Variants in NAA16 observed in about 807,000 individuals in gnomAD.
NAA16 encodes the protein NARG1-like protein.
NAA16 carries 97 observed loss-of-function variants against 110.3 expected under a neutral mutation model. The ratio of observed to expected loss-of-function variants is 0.88; its 90% CI spans 0.75 to 1.04. The LOEUF (loss-of-function observed/expected upper bound fraction) is 1.04. NAA16 is among the 50% of genes least tolerant of loss of function. The probability of loss-of-function intolerance (pLI) is 0.00; values close to 1 mark genes in which losing one functional copy is unlikely to be tolerated. For synonymous variants in NAA16, 372 were observed against 330.6 expected, an observed-to-expected ratio of 1.13 and a Z score of -1.36; for missense variants, 1,017 against 1,005.1, an observed-to-expected ratio of 1.01 and a Z score of -0.16.
chr13:41,331,959 C>G (rs1311269562), intron 8 of NAA16, among the ~76,000 whole-genome samples: 1 of 152,038 alleles, frequency 6.6e-6, no homozygotes, highest in Non-Finnish European at 1.5e-5. Flanking sequence ...CTTAATGTGA[C>G]TTTTTAAAAA....
In NAA16 at chr13:41,352,933, G is replaced by A. The variant is rs1347776738; in HGVS notation, c.1015-2211G>A. 2.6e-5 allele frequency among the ~76,000 whole-genome samples: 4 copies of A among 151,826 alleles called. No homozygotes were observed. In the East Asian group the frequency reaches 5.8e-4, roughly 22 times the overall value. Reference sequence around the variant, plus strand: ...TTAAAACTGACTTCTTTAAAAATAGGTTTCACCCCTTCATCTCTACTAAAA... The same window carrying A: ...TTAAAACTGACTTCTTTAAAAATAGATTTCACCCCTTCATCTCTACTAAAA... On this transcript the variant is annotated intron_variant, in intron 9 of 19. Coordinates refer to ENST00000379406, the MANE Select transcript of NAA16 (RefSeq NM_024561.5).
intron 9 of NAA16, among the ~76,000 whole-genome samples, chr13:41,341,544 C>T (rs1450147265): frequency 1.3e-5 from 2 of 151,554 alleles, no homozygotes; most frequent in South Asian, 2.1e-4. Flanking sequence ...AACAGGACTC[C>T]GTCTCTACAA....
rs770067308 is a variant in NAA16, at chr13:41,369,109, A to G, written c.1773A>G (p.Glu591=). ...TTATAGAAAACTTGTCAGCCAAAGA[A>G]TTGAAGAAAATGCTTAGCAAGCAGA... is the stretch of plus-strand genomic sequence containing the variant. ...EINSENLSAK[E]LKKMLSKQRR... The change falls in exon 15 of 20, where the codon GAA becomes GAG. Residue 591 remains glutamate, a synonymous_variant. Transcript: ENST00000379406. 2 of 1,566,148 alleles carry G rather than the reference A, an allele frequency of 1.3e-6. No homozygotes were observed. The highest frequency in any genetic ancestry group is 2.4e-5 in the South Asian group (2 of 81,862).
At chr13:41,333,502 G>C (rs9532791) in intron 8 of NAA16, among the ~76,000 whole-genome samples, 144,281 of 152,228 alleles carry the variant, frequency 0.95, 68,444 homozygotes, top group South Asian at 0.99. Context: ...TTGGACATTT[G>C]AAATAAATGG....
intron 9 of NAA16, among the ~76,000 whole-genome samples, chr13:41,343,563 G>A (rs990947354): frequency 2.6e-5 from 4 of 151,772 alleles, no homozygotes; most frequent in African/African-American, 4.8e-5. Context: ...TTGGAGTCTC[G>A]CTCTGTCACC....
chr13:41,370,346 AG>A (rs1183844889), intron 15 of NAA16, among the ~76,000 whole-genome samples: 1 of 152,196 alleles, frequency 6.6e-6, no homozygotes, highest in African/African-American at 2.4e-5. Context: ...GTAGAAAAAA[AG>A]TGCTCTATCA....
intron 9 of NAA16, among the ~76,000 whole-genome samples, chr13:41,338,413 A>G (rs1357700814): frequency 6.6e-6 from 1 of 152,186 alleles, no homozygotes; most frequent in African/African-American, 2.4e-5. Context: ...GGTATTTTAT[A>G]TAAAGCATGA....
intron 9 of NAA16, among the ~76,000 whole-genome samples, chr13:41,340,292 T>C (rs2042500869): frequency 6.6e-6 from 1 of 152,164 alleles, no homozygotes; most frequent in East Asian, 1.9e-4. Context: ...CTTGGATTCA[T>C]TGATTTTTTT....
intron 14 of NAA16, 86 bp from the exon 15 acceptor site, chr13:41,369,004 C>T: frequency 8.6e-7 from 1 of 1,167,508 alleles, no homozygotes; most frequent in Non-Finnish European, 1.2e-6. Flanking sequence ...TACCAAGGGA[C>T]AACCATACTA....
intron 5 of NAA16, among the ~76,000 whole-genome samples, chr13:41,323,870 T>G (rs1221602726): frequency 3.9e-5 from 6 of 152,302 alleles, no homozygotes; most frequent in Non-Finnish European, 7.4e-5. Context: ...CACTTAGAGT[T>G]AATCCACCAA....
At chr13:41,334,810 T>C (rs1169682515) in intron 8 of NAA16, among the ~76,000 whole-genome samples, 2 of 152,232 alleles carry the variant, frequency 1.3e-5, no homozygotes, top group African/African-American at 4.8e-5. Flanking sequence ...TTTACTTTCC[T>C]GAAGACATCC....
chr13:41,374,891 C>T (rs370986354), intron 19 of NAA16, 52 bp downstream of exon 19: 320 of 1,080,064 alleles, frequency 3.0e-4, no homozygotes, highest in Non-Finnish European at 1.8e-4. Context: ...TCTAACAAAA[C>T]GTGTCTTTAC....
intron 9 of NAA16, among the ~76,000 whole-genome samples, chr13:41,340,762 C>T (rs1342469302): frequency 1.4e-5 from 2 of 144,436 alleles, no homozygotes; most frequent in East Asian, 2.2e-4. Context: ...CTGCAAGCTC[C>T]GCCTCCCGGG....
At chr13:41,363,852 T>C (rs1193131835) in intron 13 of NAA16, among the ~76,000 whole-genome samples, 3 of 152,122 alleles carry the variant, frequency 2.0e-5, no homozygotes, top group Non-Finnish European at 4.4e-5. Context: ...AAGAACCTAC[T>C]CTTATACCAG....
chr13:41,318,559 G>C (rs1378949628), intron 2 of NAA16, among the ~76,000 whole-genome samples: 2 of 152,150 alleles, frequency 1.3e-5, no homozygotes, highest in Non-Finnish European at 1.5e-5. Context: ...GTCTTGTGAA[G>C]GGCAGAAACC....
intron 13 of NAA16, among the ~76,000 whole-genome samples, chr13:41,363,614 C>T (rs910936023): frequency 6.6e-6 from 1 of 151,906 alleles, no homozygotes; most frequent in Non-Finnish European, 1.5e-5. Flanking sequence ...GGCTGAGTTG[C>T]ATGGAAAAAA....
intron 9 of NAA16, among the ~76,000 whole-genome samples, chr13:41,349,647 G>C (rs1339067392): frequency 1.3e-5 from 2 of 152,068 alleles, no homozygotes; most frequent in Non-Finnish European, 2.9e-5. Flanking sequence ...TTCAACTAAA[G>C]GTAACAGTCT....
intron 14 of NAA16, 71 bp downstream of exon 14, chr13:41,367,723 C>A: frequency 2.1e-6 from 2 of 968,534 alleles, no homozygotes; most frequent in South Asian, 1.9e-5. Flanking sequence ...GTAAACAATA[C>A]CTAGAAAAAT....
chr13:41,363,477 C>A (rs968539744), intron 13 of NAA16, among the ~76,000 whole-genome samples: 1 of 152,098 alleles, frequency 6.6e-6, no homozygotes, highest in African/African-American at 2.4e-5. Flanking sequence ...AATTCCATTT[C>A]TTCTAACATT....
Sources: allele counts gnomAD v4.1 joint callset (sites outside exome capture counted in the v4.1 genomes callset), GRCh38; gene constraint gnomAD v4.1.1; transcripts MANE v1.5; gene names NCBI Gene and HGNC (gene_info 2026-07-23, HGNC 2026-07-21).